The following MYO1D variants were observed in gnomAD, a reference collection of about 807,000 sequenced individuals.
MYO1D encodes myosin ID.
MYO1D carries 83 observed loss-of-function variants against 122.0 expected under a neutral mutation model. The observed-to-expected ratio is 0.68, with a 90% CI of 0.57 to 0.82. MYO1D has a LOEUF of 0.82. Among genes scored for constraint, MYO1D ranks in the 40% least tolerant of loss-of-function variants. MYO1D has a pLI of 0.00. For synonymous variants in MYO1D, 464 were observed against 446.9 expected, an observed-to-expected ratio of 1.04 and a Z score of -0.48; for missense variants, 1,157 against 1,269.5, an observed-to-expected ratio of 0.91 and a Z score of 1.35.
chr17:32,665,259 T>C (rs1448525607), intron 16 of MYO1D, among the ~76,000 whole-genome samples: 2 of 151,642 alleles, frequency 1.3e-5, no homozygotes, highest in Admixed American at 6.6e-5. Flanking sequence ...CTGCTTTTTC[T>C]TTTTCCCCCA....
At chr17:32,860,819 C>G (rs2091066248) in intron 1 of MYO1D, among the ~76,000 whole-genome samples, 1 of 152,178 alleles carries the variant, frequency 6.6e-6, no homozygotes, top group South Asian at 2.1e-4. Flanking sequence ...TGAGGAACCT[C>G]AAGATTCCCT....
intron 14 of MYO1D, among the ~76,000 whole-genome samples, chr17:32,721,463 G>A (rs1488501830): frequency 2.6e-5 from 4 of 152,150 alleles, no homozygotes; most frequent in East Asian, 1.9e-4. Flanking sequence ...TAACAGAGAC[G>A]TAAAGATCGA....
intron 21 of MYO1D, among the ~76,000 whole-genome samples, chr17:32,532,961 T>C: frequency 6.6e-6 from 1 of 152,182 alleles, no homozygotes; most frequent in East Asian, 1.9e-4. Flanking sequence ...TTGAATTCTG[T>C]CAATAGTTGG....
chr17:32,693,191 A>T (rs1027327634), intron 16 of MYO1D, among the ~76,000 whole-genome samples: 28 of 152,246 alleles, frequency 1.8e-4, no homozygotes, highest in African/African-American at 6.8e-4. Flanking sequence ...ATTCCTTACA[A>T]AGAGTCAAAT....
Position 32,588,080 on chromosome 17 carries a change from A to G in MYO1D, c.2864+17007T>C, listed in dbSNP as rs114593208. ...GAATTAGTCATCTGGCAAATTTGAT[A>G]GAAGAAAGCTAAATATCAAATGGAA... is the stretch of plus-strand genomic sequence containing the variant. On this transcript the variant is annotated intron_variant, in intron 21 of 21. Transcript: ENST00000318217. Among the ~76,000 whole-genome samples, 1,131 of 152,352 alleles carry G rather than the reference A, an allele frequency of 7.4e-3. 12 individuals are homozygous for G. The highest frequency in any genetic ancestry group is 0.026 in the African/African-American group (1,074 of 41,572).
At chr17:32,758,594 G>C (rs369484958) in intron 10 of MYO1D, among the ~76,000 whole-genome samples, 91 of 152,284 alleles carry the variant, frequency 6.0e-4, no homozygotes, top group Middle Eastern at 3.4e-3. Context: ...GGTGGGTATA[G>C]TACAGATGGC....
chr17:32,706,308 T>C (rs1311989053), intron 16 of MYO1D, among the ~76,000 whole-genome samples: 4 of 152,146 alleles, frequency 2.6e-5, no homozygotes, highest in African/African-American at 7.2e-5. Flanking sequence ...GGTTTTGCCA[T>C]AGTTGGCCAG....
intron 11 of MYO1D, among the ~76,000 whole-genome samples, chr17:32,751,274 A>C (rs1295514919): frequency 6.6e-6 from 1 of 152,304 alleles, no homozygotes; most frequent in African/African-American, 2.4e-5. Flanking sequence ...AGTCTAGCTA[A>C]TCAGTAACCC....
At chr17:32,822,213 T>C (rs1037590296) in intron 1 of MYO1D, among the ~76,000 whole-genome samples, 1 of 152,200 alleles carries the variant, frequency 6.6e-6, no homozygotes, top group Non-Finnish European at 1.5e-5. Context: ...GATGAGTTCA[T>C]GTCCTTTGTA....
Position 32,760,398 on chromosome 17 carries a change from T to C in MYO1D, c.1188A>G (p.Glu396=). The change falls in exon 10 of 22, where the codon GAA becomes GAG. Residue 396 remains glutamate (E), a synonymous_variant. Transcript: ENST00000318217. ...CATTGCAGTAATTGATACAGAATTG[T>C]TCAAAACTACAAGAAAAGGAATAAA... The part of the protein sequence containing the change: ...GFEIFDNNSF[E]QFCINYCNEK... 6.2e-7 allele frequency: 1 copy of C among 1,607,930 alleles called. No homozygotes were observed. The highest frequency in any genetic ancestry group is 1.1e-5 in the South Asian group (1 of 90,512).
At chr17:32,585,355 A>C (rs1321333837) in intron 21 of MYO1D, among the ~76,000 whole-genome samples, 3 of 152,200 alleles carry the variant, frequency 2.0e-5, no homozygotes, top group Admixed American at 6.5e-5. Flanking sequence ...CTGTCTTACC[A>C]GCGATTGTTG....
In MYO1D at chr17:32,550,146, C is replaced by T. The variant is rs538533324; in HGVS notation, c.2864+54941G>A. Among the ~76,000 whole-genome samples, 11 of 150,152 alleles carry T rather than the reference C, an allele frequency of 7.3e-5. No individual in the cohort carries two copies. The South Asian group carries it at 2.1e-3, about 29-fold the overall frequency. On this transcript the variant is annotated intron_variant, in intron 21 of 21. Coordinates refer to ENST00000318217, the MANE Select transcript of MYO1D (RefSeq NM_015194.3). ...ATGGAGTCTAACTCTGTTGCCCAGG[C>T]TGGAGGGCAGCGGTGTAATCTCAGC...
chr17:32,585,122 T>C (rs1350269209), intron 21 of MYO1D, among the ~76,000 whole-genome samples: 1 of 152,238 alleles, frequency 6.6e-6, no homozygotes, highest in African/African-American at 2.4e-5. Context: ...GCAAGAAATA[T>C]AATATTCTTT....
chr17:32,594,917 A>G (rs2150907121), intron 21 of MYO1D, among the ~76,000 whole-genome samples: 1 of 152,258 alleles, frequency 6.6e-6, no homozygotes, highest in Non-Finnish European at 1.5e-5. Flanking sequence ...TGACAAGGAG[A>G]GTCTGAAATT....
rs1206770394 is a variant in MYO1D, at chr17:32,492,751, A to T, written c.*2008T>A. The T allele has an allele frequency of 6.6e-6, 1 of 152,596 alleles. No homozygotes were observed. The highest frequency in any genetic ancestry group is 6.5e-5 in the Admixed American group (1 of 15,280). The allele number at this position is 152,596 out of a possible 1,614,324, so 9.5% of individuals were successfully genotyped here. A position where few individuals can be genotyped will look rare whatever the true frequency, so the allele number is the denominator to read the frequency against. ...CAAGAGAACCCCCTCATTGTCTACA[A>T]TCATGCCCGCTTCCTTTCCCCTCAG... On this transcript the variant is annotated 3_prime_UTR_variant, in exon 22 of 22. Transcript: ENST00000318217.
At chr17:32,798,865 G>A (rs1226740703) in intron 1 of MYO1D, among the ~76,000 whole-genome samples, 3 of 152,192 alleles carry the variant, frequency 2.0e-5, no homozygotes, top group Non-Finnish European at 2.9e-5. Flanking sequence ...AAGACAATGT[G>A]AACCAAATTT....
chr17:32,798,227 A>T (rs1263385701), intron 1 of MYO1D, among the ~76,000 whole-genome samples: 1 of 152,180 alleles, frequency 6.6e-6, no homozygotes, highest in African/African-American at 2.4e-5. Flanking sequence ...TTTTAAAATC[A>T]GCCAAAATAT....
chr17:32,642,175 T>C (rs2088211303), intron 19 of MYO1D, among the ~76,000 whole-genome samples: 1 of 152,246 alleles, frequency 6.6e-6, no homozygotes, highest in South Asian at 2.1e-4. Context: ...CAGCACCATT[T>C]GTTGAACAGG....
chr17:32,777,866 G>A (rs1405065502), intron 3 of MYO1D, among the ~76,000 whole-genome samples: 1 of 152,086 alleles, frequency 6.6e-6, no homozygotes, highest in African/African-American at 2.4e-5. Context: ...CCCGGGAGGC[G>A]GAGCTTGCAG....
Sources: gnomAD v4.1 joint callset for allele counts (sites outside exome capture counted in the v4.1 genomes callset) on GRCh38, gnomAD v4.1.1 for gene constraint, MANE v1.5 for transcripts, NCBI Gene and HGNC (gene_info 2026-07-23, HGNC 2026-07-21) for gene names.